TBC1D22A: variants seen among roughly 807,000 people sequenced by gnomAD.
TBC1D22A encodes putative GTPase activator.
A neutral mutation model predicts 60.2 loss-of-function variants in TBC1D22A; 38 were observed. The ratio of observed to expected loss-of-function variants is 0.63; its 90% CI spans 0.49 to 0.83. The LOEUF is 0.83. Ranked by LOEUF, TBC1D22A falls within the 40% of genes least tolerant of loss-of-function variation. TBC1D22A has a pLI of 0.00. For missense variants in TBC1D22A, 628 were observed against 701.0 expected, an observed-to-expected ratio of 0.90 and a Z score of 1.18; for synonymous variants, 302 against 281.7, an observed-to-expected ratio of 1.07 and a Z score of -0.72.
chr22:46,880,969 G>A (rs1436568120), intron 5 of TBC1D22A, among the ~76,000 whole-genome samples: 1 of 152,172 alleles, frequency 6.6e-6, no homozygotes, highest in African/African-American at 2.4e-5. Context: ...TCTTGGGGAA[G>A]GTGGCATCTT....
chr22:46,885,487 A>G (rs1409270940), intron 5 of TBC1D22A, among the ~76,000 whole-genome samples: 1 of 152,092 alleles, frequency 6.6e-6, no homozygotes, highest in Non-Finnish European at 1.5e-5. Context: ...TCCTTAGTTC[A>G]CCTGCGGGTA....
intron 12 of TBC1D22A, among the ~76,000 whole-genome samples, chr22:47,136,827 C>T (rs1332030947): frequency 1.3e-5 from 2 of 152,178 alleles, no homozygotes; most frequent in Non-Finnish European, 2.9e-5. Flanking sequence ...CAGGACCCCT[C>T]TTGCACCCTG....
At chr22:46,947,585 A>T (rs1030598966) in intron 8 of TBC1D22A, among the ~76,000 whole-genome samples, 3 of 152,168 alleles carry the variant, frequency 2.0e-5, no homozygotes, top group Non-Finnish European at 4.4e-5. Context: ...CGTGGAAGCC[A>T]TGGGCTGCTG....
intron 4 of TBC1D22A, among the ~76,000 whole-genome samples, chr22:46,829,544 T>TGC (rs1433351071): frequency 6.6e-6 from 1 of 152,222 alleles, no homozygotes; most frequent in Non-Finnish European, 1.5e-5. Context: ...TTCACATTGC[T>TGC]GCCAAGTTAA....
At chr22:46,964,096 A>G (rs1378152532) in intron 8 of TBC1D22A, among the ~76,000 whole-genome samples, 1 of 151,950 alleles carries the variant, frequency 6.6e-6, no homozygotes, top group Non-Finnish European at 1.5e-5. Flanking sequence ...CGTCTGTTTG[A>G]TTTTCTGGCA....
chr22:47,042,174 GCC>G (rs131886), intron 11 of TBC1D22A, among the ~76,000 whole-genome samples: 12 of 151,732 alleles, frequency 7.9e-5, no homozygotes, highest in African/African-American at 2.9e-4. Context: ...TTCTATTTCT[GCC>G]CCCCCCATGA....
chr22:47,031,336 A>T (rs1329903903), intron 10 of TBC1D22A, among the ~76,000 whole-genome samples: 1 of 152,226 alleles, frequency 6.6e-6, no homozygotes. Flanking sequence ...CCCGGCGGGC[A>T]GAAACAGGCC....
At chr22:46,762,887 CAG>C in intron 1 of TBC1D22A, 39 bp downstream of exon 1, 1 of 1,468,722 alleles carries the variant, frequency 6.8e-7, no homozygotes, top group Non-Finnish European at 9.0e-7. Context: ...GGTCAGGGGT[CAG>C]AGGTCAGGTG....
intron 12 of TBC1D22A, among the ~76,000 whole-genome samples, chr22:47,127,410 T>TG (rs1396671820): frequency 3.3e-5 from 5 of 149,410 alleles, no homozygotes; most frequent in Non-Finnish European, 6.0e-5. Flanking sequence ...TTTTTTTTTT[T>TG]TTGTATTTTT....
chr22:46,921,114 G>C (rs1323820932), intron 8 of TBC1D22A, among the ~76,000 whole-genome samples: 1 of 152,136 alleles, frequency 6.6e-6, no homozygotes, highest in Non-Finnish European at 1.5e-5. Context: ...AGGTTCAAGG[G>C]TACATGTACA....
Position 47,028,056 on chromosome 22 carries a change from GT to G in TBC1D22A, c.1202-9011del, listed in dbSNP as rs2062320636. 6.6e-6 allele frequency among the ~76,000 whole-genome samples: 1 copy of G among 152,206 alleles called. No homozygotes were observed. Among genetic ancestry groups the G allele is most frequent in the South Asian group, 2.1e-4 (1 of 4,824 alleles). The stretch of plus-strand genomic sequence containing the variant: ...TGCCTTCTCATATGGAAATGACCCT[GT>G]TTTGGAGGGGTGTGCTGAGTAGCTC... On this transcript the variant is annotated intron_variant, in intron 10 of 12. Coordinates refer to ENST00000337137, the MANE Select transcript of TBC1D22A (RefSeq NM_014346.5). The surrounding 1 kb of genome is among the most constrained non-coding windows in gnomAD (Gnocchi z 4.4).
intron 8 of TBC1D22A, among the ~76,000 whole-genome samples, chr22:46,938,387 C>A (rs1034526483): frequency 4.6e-5 from 7 of 152,122 alleles, no homozygotes; most frequent in African/African-American, 1.7e-4. Context: ...CAGTAGGCTT[C>A]GCTCTAGGTG....
intron 4 of TBC1D22A, among the ~76,000 whole-genome samples, chr22:46,832,886 G>A (rs559785501): frequency 3.3e-5 from 5 of 152,294 alleles, no homozygotes; most frequent in African/African-American, 9.6e-5. Flanking sequence ...TGTGGAATGT[G>A]AGGAAGAAGG....
intron 11 of TBC1D22A, among the ~76,000 whole-genome samples, chr22:47,104,669 T>G (rs1393494541): frequency 1.4e-5 from 2 of 139,688 alleles, no homozygotes; most frequent in African/African-American, 5.6e-5. Context: ...CACTCCAGCC[T>G]GGGCGACAGA....
intron 11 of TBC1D22A, among the ~76,000 whole-genome samples, chr22:47,048,937 G>C (rs918143841): frequency 2.0e-5 from 3 of 152,222 alleles, no homozygotes; most frequent in African/African-American, 7.2e-5. Context: ...GCGTGGTAAT[G>C]ACCTTCATTT....
intron 11 of TBC1D22A, among the ~76,000 whole-genome samples, chr22:47,038,968 C>T (rs182907701): frequency 5.9e-5 from 9 of 152,310 alleles, no homozygotes; most frequent in African/African-American, 1.7e-4. Flanking sequence ...CTGTAAATTG[C>T]GAATGCTGTC....
At chr22:47,021,579 CGA>C (rs2062089827) in intron 10 of TBC1D22A, among the ~76,000 whole-genome samples, 3 of 106,070 alleles carry the variant, frequency 2.8e-5, no homozygotes, top group Non-Finnish European at 3.9e-5. Flanking sequence ...AACCTCACCT[CGA>C]GCCTGGAGCC....
At chr22:46,818,539 G>T (rs531028294) in intron 4 of TBC1D22A, among the ~76,000 whole-genome samples, 1 of 152,184 alleles carries the variant, frequency 6.6e-6, no homozygotes, top group Admixed American at 6.5e-5. Flanking sequence ...TGTCAGGTTT[G>T]TTGAAGATCA....
intron 4 of TBC1D22A, among the ~76,000 whole-genome samples, chr22:46,814,189 A>G (rs1326146070): frequency 3.3e-5 from 5 of 152,220 alleles, no homozygotes; most frequent in Non-Finnish European, 7.3e-5. Flanking sequence ...TTTAGAAACT[A>G]CTGAGAGTAA....
Sources: allele counts gnomAD v4.1 joint callset (sites outside exome capture counted in the v4.1 genomes callset), GRCh38; gene constraint gnomAD v4.1.1; non-coding constraint Gnocchi (gnomAD v3.1); transcripts MANE v1.5; gene names NCBI Gene and HGNC (gene_info 2026-07-23, HGNC 2026-07-21).